HHLA1: variants seen among roughly 807,000 people sequenced by gnomAD.
HHLA1 encodes HERV-H LTR-associating protein 1.
Under a neutral mutation model 69.9 loss-of-function variants are expected in HHLA1, and 72 were observed. That is an observed-to-expected ratio of 1.03 (90% confidence interval 0.85 to 1.25). The LOEUF (loss-of-function observed/expected upper bound fraction) is 1.25, where lower values mean the gene tolerates loss of function less well. Among genes scored for constraint, HHLA1 ranks in the 50% most tolerant of loss-of-function variants. HHLA1 has a pLI of 0.00. For synonymous variants in HHLA1, 252 were observed against 233.2 expected, an observed-to-expected ratio of 1.08 and a Z score of -0.73; for missense variants, 685 against 642.2, an observed-to-expected ratio of 1.07 and a Z score of -0.72.
chr8:132,087,869 T>A lies in HHLA1; in HGVS notation c.565A>T (p.Ile189Phe), dbSNP rs564627514. The change falls in exon 9 of 17, where the codon ATC becomes TTC. Residue 189 changes from isoleucine (I) to phenylalanine (F), a missense_variant. Ile to Phe is a conservative substitution (Grantham distance 21). Transcript: ENST00000414222. ...CCTGACTTTCCTGTCATCACACAGA[T>A]GAAGATGCAATCTGATTCATTGCTT... is the stretch of plus-strand genomic sequence containing the variant. ...NQSNESDCIF[I>F]CVMTGKSGRN... 1 of 1,551,708 alleles carries A rather than the reference T, an allele frequency of 6.4e-7. No homozygotes were observed. Among genetic ancestry groups the A allele is most frequent in the South Asian group, 1.2e-5 (1 of 84,056 alleles).
At chr8:132,098,806 C>T (rs1824063671) in intron 5 of HHLA1, 76 bp downstream of exon 5, 1 of 880,292 alleles carries the variant, frequency 1.1e-6, no homozygotes, top group Non-Finnish European at 1.8e-6. Context: ...CTTGTCAAGG[C>T]AACAGAAAGG....
intron 15 of HHLA1, among the ~76,000 whole-genome samples, chr8:132,067,864 T>C (rs1468231549): frequency 6.6e-6 from 1 of 152,224 alleles, no homozygotes; most frequent in Non-Finnish European, 1.5e-5. Context: ...ATTGAATGAC[T>C]AGCTCAAGAC....
rs1823715234 is a variant in HHLA1 at position 132,079,892 on chromosome 8, G to T, written c.751C>A (p.Pro251Thr). The change falls in exon 11 of 17, where the codon CCC becomes ACC. Residue 251 changes from proline (P) to threonine (T), a missense_variant. Pro to Thr is a conservative substitution (Grantham distance 38). Transcript: ENST00000414222. ...GGTGTGCTCTGGGTCCAGTGTCCGG[G>T]GCTTGTACTTGGTAGTGTTTTCTGG... Reference protein sequence around the residue: ...KSQKTLPSTSPGHWTQSTPWA... With the variant: ...KSQKTLPSTSTGHWTQSTPWA... 1 of 1,552,078 alleles carries T rather than the reference G, an allele frequency of 6.4e-7. No individual in the cohort carries two copies. Among genetic ancestry groups the T allele is most frequent in the Non-Finnish European group, 8.7e-7 (1 of 1,147,100 alleles).
Position 132,095,515 on chromosome 8 carries a change from C to T in HHLA1, c.448+4G>A. 2 of 1,540,572 alleles carry T rather than the reference C, an allele frequency of 1.3e-6. No homozygotes were observed. Among genetic ancestry groups the T allele is most frequent in the Non-Finnish European group, 8.8e-7 (1 of 1,136,976 alleles). ...CTGCAAGCCTCATGGTAAGCTGTACCCACCTGATAAGTCATTGGTCCGATT... is the reference window on the plus strand; with the variant it reads ...CTGCAAGCCTCATGGTAAGCTGTACTCACCTGATAAGTCATTGGTCCGATT... On this transcript the variant is annotated splice_donor_region_variant and intron_variant, in intron 7 of 16. Coordinates refer to ENST00000414222, the MANE Select transcript of HHLA1 (RefSeq NM_001145095.3).
intron 15 of HHLA1, chr8:132,070,375 A>G (rs1823512498): frequency 1.4e-6 from 1 of 701,986 alleles, no homozygotes; most frequent in East Asian, 2.7e-5. Flanking sequence ...GGGATTTATG[A>G]AAGAACTGGA....
chr8:132,095,845 A>G, intron 5 of HHLA1, 59 bp from the exon 6 acceptor site: 4 of 1,032,086 alleles, frequency 3.9e-6, no homozygotes, highest in Non-Finnish European at 5.6e-6. Flanking sequence ...ACAATAATAC[A>G]AATAAGTAAA....
rs568879231 is a variant in HHLA1, at chr8:132,070,087, G to C, written c.1469+1253C>G. ...AAAATGGCTGTCCACCTGGGCTTCA[G>C]ACTCAGAGGCAGAAATTTTAAAAGC... On this transcript the variant is annotated intron_variant, in intron 15 of 16. Transcript: ENST00000414222. The C allele has an allele frequency of 1.3e-3, 294 of 226,856 alleles. 2 individuals are homozygous for C. The highest frequency in any genetic ancestry group is 6.7e-3 in the African/African-American group (283 of 42,166). The allele number at this position is 226,856 out of a possible 1,614,324, so 14.1% of individuals were successfully genotyped here.
intron 3 of HHLA1, among the ~76,000 whole-genome samples, chr8:132,103,491 T>A (rs917585894): frequency 1.3e-5 from 2 of 152,054 alleles, no homozygotes; most frequent in African/African-American, 2.4e-5. Context: ...TGGTGGTACA[T>A]GCCTGTGGTC....
At chr8:132,070,381 C>A (rs149256410) in intron 15 of HHLA1, 1 of 701,840 alleles carries the variant, frequency 1.4e-6, no homozygotes, top group African/African-American at 1.7e-5. Context: ...TATGAAAGAA[C>A]TGGAATTTAG....
chr8:132,089,000 T>C lies in HHLA1; in HGVS notation c.532+516A>G, dbSNP rs181459480. 1.3e-3 allele frequency among the ~76,000 whole-genome samples: 204 copies of C among 152,332 alleles called. 4 individuals are homozygous for C. In the South Asian group the frequency reaches 0.017, roughly 13 times the overall value. On this transcript the variant is annotated intron_variant, in intron 8 of 16. Transcript: ENST00000414222. ...CACACCGTCTTTCTGCTGAGACCAG[T>C]TGTTGGACTGTTGAATAGATCCTTG...
intron 10 of HHLA1, among the ~76,000 whole-genome samples, chr8:132,083,061 G>T (rs953252580): frequency 1.8e-4 from 27 of 151,768 alleles, no homozygotes; most frequent in African/African-American, 6.3e-4. Context: ...AGGGAGTAGA[G>T]GTATCTTATA....
At chr8:132,073,626 G>A (rs191036148) in intron 14 of HHLA1, among the ~76,000 whole-genome samples, 2 of 152,306 alleles carry the variant, frequency 1.3e-5, no homozygotes, top group African/African-American at 4.8e-5. Flanking sequence ...TGACTCTGAA[G>A]CCTGTGCTCA....
At chr8:132,103,899 A>G (rs1292511914) in intron 3 of HHLA1, among the ~76,000 whole-genome samples, 3 of 152,218 alleles carry the variant, frequency 2.0e-5, no homozygotes, top group Non-Finnish European at 4.4e-5. Flanking sequence ...CACCAATGGA[A>G]TGTTACAGTC....
At chr8:132,071,594 T>C in intron 14 of HHLA1, 101 bp from the exon 15 acceptor site, 1 of 1,067,604 alleles carries the variant, frequency 9.4e-7, no homozygotes. Flanking sequence ...TGTCCTGATC[T>C]CACGTAGCTC....
In HHLA1 at chr8:132,103,991, A is replaced by G. The variant is rs1586736414; in HGVS notation, c.139+117T>C. ...CACAGGAACCATTGTTGTGACTATT[A>G]GAGTGTTAGATGCGGATATAATCGC... On this transcript the variant is annotated intron_variant, in intron 3 of 16. Coordinates refer to ENST00000414222, the MANE Select transcript of HHLA1 (RefSeq NM_001145095.3). 4.3e-6 allele frequency: 3 copies of G among 699,500 alleles called. No homozygotes were observed. The East Asian group carries it at 8.1e-5, about 19-fold the overall frequency. The allele number at this position is 699,500 out of a possible 1,614,324, so 43.3% of individuals were successfully genotyped here.
intron 1 of HHLA1, among the ~76,000 whole-genome samples, chr8:132,105,879 C>T (rs1226091183): frequency 3.9e-5 from 6 of 152,156 alleles, no homozygotes; most frequent in Non-Finnish European, 7.3e-5. Context: ...AAATATATTA[C>T]CATAGGAATA....
At chr8:132,079,689 G>T (rs1450600744) in intron 11 of HHLA1, 29 bp downstream of exon 11, 1 of 1,518,316 alleles carries the variant, frequency 6.6e-7, no homozygotes, top group Non-Finnish European at 8.8e-7. Context: ...ACATAGCAAA[G>T]GGGAGGAAAG....
At chr8:132,102,992 A>G (rs1182104204) in intron 3 of HHLA1, among the ~76,000 whole-genome samples, 1 of 152,100 alleles carries the variant, frequency 6.6e-6, no homozygotes. Context: ...ATATTTTTCT[A>G]TTTTTGGATA....
At chr8:132,080,245 C>T (rs886364620) in intron 10 of HHLA1, 9 of 486,274 alleles carry the variant, frequency 1.9e-5, no homozygotes, top group East Asian at 5.0e-5. Context: ...ATTTCATGTG[C>T]GTCCGTGTGA....
Sources: allele counts gnomAD v4.1 joint callset (sites outside exome capture counted in the v4.1 genomes callset), GRCh38; gene constraint gnomAD v4.1.1; transcripts MANE v1.5; gene names NCBI Gene and HGNC (gene_info 2026-07-23, HGNC 2026-07-21).